The following DOCK1 variants were observed in gnomAD, a reference collection of about 807,000 sequenced individuals.
DOCK1 encodes dedicator of cytokinesis protein 1.
In DOCK1, 138 loss-of-function variants were observed where a neutral mutation model predicts 262.7. The ratio of observed to expected loss-of-function variants is 0.53; its 90% confidence interval spans 0.46 to 0.61. The LOEUF (loss-of-function observed/expected upper bound fraction) is 0.61. Ranked by LOEUF, DOCK1 falls within the 20% of genes least tolerant of loss-of-function variation. The pLI is 0.00. For synonymous variants in DOCK1, 866 were observed against 867.4 expected (o/e 1.00, Z 0.03); for missense variants, 1,908 against 2,370.7 (o/e 0.80, Z 4.05).
intron 19 of DOCK1, among the ~76,000 whole-genome samples, chr10:127,038,899 T>C (rs2135594409): frequency 6.6e-6 from 1 of 152,328 alleles, no homozygotes; most frequent in Non-Finnish European, 1.5e-5. Flanking sequence ...TTTCCATTTT[T>C]AGTCGATTCT....
At position 127,296,344 on chromosome 10, in the gene DOCK1, C is replaced by T. The variant is rs75581416; in HGVS notation, c.3044+38915C>T. ...CCCATCCTCACGTAGTGGAGCTGCA[C>T]CTGCCCATCTCCCAGAAAGTCCTTC... On this transcript the variant is annotated intron_variant, in intron 29 of 51. Transcript: ENST00000623213. 3.2e-3 allele frequency among the ~76,000 whole-genome samples: 486 copies of T among 152,314 alleles called. 1 individual carries two copies. Among genetic ancestry groups the T allele is most frequent in the Middle Eastern group, 0.01 (3 of 294 alleles).
chr10:127,049,349 C>T (rs757828426), intron 21 of DOCK1, among the ~76,000 whole-genome samples: 49 of 151,964 alleles, frequency 3.2e-4, no homozygotes, highest in Non-Finnish European at 4.9e-4. Flanking sequence ...GGTGAAACCC[C>T]ATCTCTACTG....
rs34901936 is a variant in DOCK1, at chr10:127,294,650, A to AT, written c.3044+37237dup. 4.7e-3 allele frequency among the ~76,000 whole-genome samples: 600 copies of AT among 127,586 alleles called. 3 individuals carry two copies. Among genetic ancestry groups the AT allele is most frequent in the Admixed American group, 8.8e-3 (104 of 11,868 alleles). 83.7% of individuals were successfully genotyped at this position (127,586 alleles called of 152,430 possible). A position where few individuals can be genotyped will look rare whatever the true frequency, so the allele number is the denominator to read the frequency against. On this transcript the variant is annotated intron_variant, in intron 29 of 51. Coordinates refer to ENST00000623213, the MANE Select transcript of DOCK1 (RefSeq NM_001290223.2). ...TGTAGTGTTTCATGTGAGTTGTCCT[A>AT]TTTTTTTTTTTTTTTTAAGATGGAG...
intron 27 of DOCK1, among the ~76,000 whole-genome samples, chr10:127,145,063 TGACCA>T: frequency 6.6e-6 from 1 of 152,204 alleles, no homozygotes; most frequent in African/African-American, 2.4e-5. Context: ...ATGTTTTCCG[TGACCA>T]TACTGGAGAA....
intron 23 of DOCK1, among the ~76,000 whole-genome samples, chr10:127,093,429 G>T (rs1252134115): frequency 6.6e-6 from 1 of 150,804 alleles, no homozygotes; most frequent in Non-Finnish European, 1.5e-5. Context: ...TCAGCTTACT[G>T]CAAACCTCCA....
chr10:127,128,659 T>C (rs1170201281), intron 27 of DOCK1, among the ~76,000 whole-genome samples: 1 of 152,088 alleles, frequency 6.6e-6, no homozygotes, highest in African/African-American at 2.4e-5. Flanking sequence ...TCTGGTCCTG[T>C]GTTAGTTTGC....
At chr10:127,038,488 G>T (rs1217111214) in intron 19 of DOCK1, among the ~76,000 whole-genome samples, 1 of 152,114 alleles carries the variant, frequency 6.6e-6, no homozygotes, top group Admixed American at 6.5e-5. Flanking sequence ...GGTCGTTGTG[G>T]AGCCTCAGGT....
At position 127,327,440 on chromosome 10, in the gene DOCK1, A is replaced by G. The variant is rs368709969; in HGVS notation, c.3045-11566A>G. Among the ~76,000 whole-genome samples, 12 of 152,304 alleles carry G rather than the reference A, an allele frequency of 7.9e-5. No homozygotes were observed. The East Asian group carries it at 1.4e-3, about 17-fold the overall frequency. ...TAAGAATCAACCTCTGGTAGCTTCAAACTTTTCCCCTGCAGCTTCCTCACC... is the reference window on the plus strand; with the variant it reads ...TAAGAATCAACCTCTGGTAGCTTCAGACTTTTCCCCTGCAGCTTCCTCACC... On this transcript the variant is annotated intron_variant, in intron 29 of 51. Transcript: ENST00000623213.
At chr10:127,004,974 T>G (rs1016894183) in intron 10 of DOCK1, among the ~76,000 whole-genome samples, 1 of 151,964 alleles carries the variant, frequency 6.6e-6, no homozygotes, top group Non-Finnish European at 1.5e-5. Context: ...TCTGGGGAAT[T>G]TTTTTTAATA....
Position 127,387,186 on chromosome 10 carries a change from G to A in DOCK1, c.3927+2277G>A, listed in dbSNP as rs954903370. ...CATCCTCTGACCAGCGTTGGCTCCCGCGACCTCTCCACCCTCATTCCCTCC... is the reference window on the plus strand; with the variant it reads ...CATCCTCTGACCAGCGTTGGCTCCCACGACCTCTCCACCCTCATTCCCTCC... On this transcript the variant is annotated intron_variant, in intron 38 of 51. Coordinates refer to ENST00000623213, the MANE Select transcript of DOCK1 (RefSeq NM_001290223.2). Among the ~76,000 whole-genome samples the A allele has an allele frequency of 4.6e-5, 7 of 152,276 alleles. 1 individual carries two copies. The highest frequency in any genetic ancestry group is 2.0e-4 in the Admixed American group (3 of 15,304).
Position 127,031,639 on chromosome 10 carries a change from T to G in DOCK1, c.1625-11T>G, listed in dbSNP as rs773559288. The G allele has an allele frequency of 6.3e-7, 1 of 1,597,446 alleles. No homozygotes were observed. Among genetic ancestry groups the G allele is most frequent in the South Asian group, 1.1e-5 (1 of 87,956 alleles). ...AAGCAATCATCAATTTTTTTGTTTTTTGTTTTACAGCTAAGGATAAATCTG... is the reference window on the plus strand; with the variant it reads ...AAGCAATCATCAATTTTTTTGTTTTGTGTTTTACAGCTAAGGATAAATCTG... On this transcript the variant is annotated splice_polypyrimidine_tract_variant and intron_variant, in intron 16 of 51. Coordinates refer to ENST00000623213, the MANE Select transcript of DOCK1 (RefSeq NM_001290223.2).
At chr10:127,392,118 C>G (rs372548056) in intron 38 of DOCK1, among the ~76,000 whole-genome samples, 2 of 151,878 alleles carry the variant, frequency 1.3e-5, no homozygotes, top group South Asian at 4.2e-4. Flanking sequence ...CTTCTTGCTG[C>G]TGTCTCGTGT....
intron 2 of DOCK1, among the ~76,000 whole-genome samples, chr10:126,971,770 T>C (rs1440545807): frequency 6.6e-6 from 1 of 150,992 alleles, no homozygotes; most frequent in African/African-American, 2.4e-5. Flanking sequence ...TCTTTTAATG[T>C]CCTCACTTAG....
rs565229533 is a variant in DOCK1, at chr10:127,107,840, C to T, written c.2516+1539C>T. Among the ~76,000 whole-genome samples, 10 of 152,368 alleles carry T rather than the reference C, an allele frequency of 6.6e-5. No individual in the cohort carries two copies. The South Asian group carries it at 2.1e-3, about 32-fold the overall frequency. Reference sequence around the variant, plus strand: ...GCAACTGGTGTGGGCTGTGGCCATACTCTAGGCCTGTCTCATGGTGCACAC... The same window carrying T: ...GCAACTGGTGTGGGCTGTGGCCATATTCTAGGCCTGTCTCATGGTGCACAC... On this transcript the variant is annotated intron_variant, in intron 24 of 51. Coordinates refer to ENST00000623213, the MANE Select transcript of DOCK1 (RefSeq NM_001290223.2).
intron 12 of DOCK1, among the ~76,000 whole-genome samples, chr10:127,017,393 AT>A (rs2042064369): frequency 6.6e-6 from 1 of 152,130 alleles, no homozygotes; most frequent in Non-Finnish European, 1.5e-5. Context: ...ATACATACAG[AT>A]ACAGACACAG....
In DOCK1 at chr10:126,905,481, A is replaced by T; in HGVS notation, c.-37A>T. 9.7e-6 allele frequency: 5 copies of T among 517,784 alleles called. No homozygotes were observed. The highest frequency in any genetic ancestry group is 1.8e-5 in the Non-Finnish European group (5 of 280,398). The allele number at this position is 517,784 out of a possible 1,614,324, so 32.1% of individuals were successfully genotyped here. ...ATGGAAAATGGCGGCCTAGACGCGG[A>T]GTTTCCTGCCCGACCCGCGGCGGCT... is the stretch of plus-strand genomic sequence containing the variant. On this transcript the variant is annotated 5_prime_UTR_variant, in exon 1 of 52. Transcript: ENST00000623213.
intron 23 of DOCK1, among the ~76,000 whole-genome samples, chr10:127,103,691 T>C (rs1486891335): frequency 6.6e-6 from 1 of 152,230 alleles, no homozygotes; most frequent in Non-Finnish European, 1.5e-5. Context: ...GTAAGTGGGC[T>C]GAAGTGCAGC....
intron 31 of DOCK1, among the ~76,000 whole-genome samples, chr10:127,348,813 C>T (rs562811521): frequency 1.3e-5 from 2 of 152,272 alleles, no homozygotes; most frequent in East Asian, 3.9e-4. Flanking sequence ...AGGAAACTAA[C>T]AGGAAATAAA....
At chr10:127,239,857 GCAAA>G (rs1260299932) in intron 27 of DOCK1, among the ~76,000 whole-genome samples, 2 of 151,986 alleles carry the variant, frequency 1.3e-5, no homozygotes, top group African/African-American at 4.8e-5. Flanking sequence ...TTAAGAAGCT[GCAAA>G]CAAAGTATAT....
Sources: allele counts gnomAD v4.1 joint callset (sites outside exome capture counted in the v4.1 genomes callset), GRCh38; gene constraint gnomAD v4.1.1; transcripts MANE v1.5; gene names NCBI Gene and HGNC (gene_info 2026-07-23, HGNC 2026-07-21).